TBC1D32: variants seen among roughly 807,000 people sequenced by gnomAD.
The protein encoded by TBC1D32 is TBC1 domain family member 32.
A neutral mutation model predicts 170.3 loss-of-function variants in TBC1D32; 151 were observed. The ratio of observed to expected loss-of-function variants is 0.89; its 90% CI spans 0.78 to 1.01. The LOEUF is 1.01. TBC1D32 is among the 50% of genes least tolerant of loss of function. The pLI, the probability that TBC1D32 is intolerant of heterozygous loss-of-function variation, is 0.00. For missense variants in TBC1D32, 1,464 were observed against 1,457.1 expected (o/e 1.00, Z -0.08); for synonymous variants, 498 against 488.0 (o/e 1.02, Z -0.27).
At chr6:121,122,217 G>A (rs188825157) in intron 26 of TBC1D32, among the ~76,000 whole-genome samples, 62 of 151,846 alleles carry the variant, frequency 4.1e-4, no homozygotes, top group South Asian at 1.2e-3. Context: ...ACTTCTCACC[G>A]TCTCCATTAC....
In TBC1D32 at chr6:121,256,135, C is replaced by A. The variant is rs1267036022; in HGVS notation, c.1884G>T (p.Gln628His). Residue 628 changes from glutamine to histidine, a missense_variant, in exon 16 of 32, where the codon CAG becomes CAT. This residue lies in a region of TBC1D32 where 1,363 missense variants were observed against 1,338.1 expected (regional missense o/e 1.02). Coordinates refer to ENST00000398212, the MANE Select transcript of TBC1D32 (RefSeq NM_152730.6). ...RHIYSTCEGLQVLITYNLHES... is the reference protein window; with the variant it reads ...RHIYSTCEGLHVLITYNLHES... Reference sequence around the variant, plus strand: ...CATGCAAATTATAAGTGATTAACACCTGCAAACCTTCACATGTACTATATA... The same window carrying A: ...CATGCAAATTATAAGTGATTAACACATGCAAACCTTCACATGTACTATATA... 6.2e-6 allele frequency: 10 copies of A among 1,613,852 alleles called. No homozygotes were observed. Among genetic ancestry groups the A allele is most frequent in the Non-Finnish European group, 7.6e-6 (9 of 1,179,970 alleles).
Position 121,112,607 on chromosome 6 carries a change from G to A in TBC1D32, c.3222C>T (p.Phe1074=), listed in dbSNP as rs368544834. ...AGHDWFVSSL[F]MIMLGDKEKT... ...TTTCTTTGTCTCCCAACATTATCAT[G>A]AACAGAGAAGATACAAACCAGTCAT... Residue 1074 remains phenylalanine, a synonymous_variant, in exon 29 of 32, where the codon TTC becomes TTT. Coordinates refer to ENST00000398212, the MANE Select transcript of TBC1D32 (RefSeq NM_152730.6). 25 of 1,609,182 alleles carry A rather than the reference G, an allele frequency of 1.6e-5. No homozygotes were observed. The highest frequency in any genetic ancestry group is 4.0e-5 in the African/African-American group (3 of 74,766).
chr6:121,240,100 G>A (rs1454561180), intron 19 of TBC1D32, among the ~76,000 whole-genome samples: 6 of 152,052 alleles, frequency 3.9e-5, no homozygotes, highest in Non-Finnish European at 8.8e-5. Flanking sequence ...TACATGTGAA[G>A]TTCCTAATAT....
At chr6:121,287,404 A>G (rs551449117) in intron 12 of TBC1D32, among the ~76,000 whole-genome samples, 6 of 152,224 alleles carry the variant, frequency 3.9e-5, no homozygotes, top group South Asian at 2.1e-4. Context: ...AAGAGACAAA[A>G]AAGGCCATTA....
intron 30 of TBC1D32, among the ~76,000 whole-genome samples, chr6:121,102,356 A>T (rs572531015): frequency 1.3e-5 from 2 of 152,146 alleles, no homozygotes; most frequent in Admixed American, 1.3e-4. Flanking sequence ...AGGCTACAGT[A>T]ACCAAAACAG....
intron 27 of TBC1D32, among the ~76,000 whole-genome samples, chr6:121,114,902 T>C (rs1426104505): frequency 2.0e-5 from 3 of 152,182 alleles, no homozygotes; most frequent in African/African-American, 7.2e-5. Context: ...ACTTTTACAA[T>C]GTTATTTTTG....
chr6:121,205,033 G>T, intron 22 of TBC1D32, 42 bp downstream of exon 22: 3 of 1,148,914 alleles, frequency 2.6e-6, no homozygotes, highest in South Asian at 3.0e-5. Flanking sequence ...ATTTTTTGTG[G>T]AACATAAAAT....
chr6:121,212,450 CTTTTTT>C (rs3076854), intron 21 of TBC1D32, among the ~76,000 whole-genome samples: 2 of 102,100 alleles, frequency 2.0e-5, no homozygotes. Flanking sequence ...GTCAATATCT[CTTTTTT>C]TTTTTTTTTT....
chr6:121,088,623 A>G lies in TBC1D32; in HGVS notation c.3654+2230T>C, dbSNP rs567560325. Among the ~76,000 whole-genome samples the G allele has an allele frequency of 1.1e-4, 17 of 152,292 alleles. No homozygotes were observed. The East Asian group carries it at 3.3e-3, about 29-fold the overall frequency. On this transcript the variant is annotated intron_variant, in intron 31 of 31. Transcript: ENST00000398212. ...AAATGAGTGCCCATTAAAAGAGAAC[A>G]GTGAATTTTGACACCTACCCACTGA...
intron 21 of TBC1D32, among the ~76,000 whole-genome samples, chr6:121,217,935 T>C (rs1283632171): frequency 6.6e-6 from 1 of 152,232 alleles, no homozygotes; most frequent in Admixed American, 6.5e-5. Context: ...TTAAATTGTG[T>C]GGCTAATAGT....
Position 121,176,950 on chromosome 6 carries a change from G to A in TBC1D32, c.2571-15894C>T, listed in dbSNP as rs959524181. Among the ~76,000 whole-genome samples, 5 of 152,128 alleles carry A rather than the reference G, an allele frequency of 3.3e-5. No homozygotes were observed. In the South Asian group the frequency reaches 8.3e-4, roughly 25 times the overall value. The stretch of plus-strand genomic sequence containing the variant: ...AAACACGGCATCATAGGTGGAGACC[G>A]AAAGCCTGCAGTTTTATGTTCAACA... On this transcript the variant is annotated intron_variant, in intron 22 of 31. Coordinates refer to ENST00000398212, the MANE Select transcript of TBC1D32 (RefSeq NM_152730.6).
intron 22 of TBC1D32, among the ~76,000 whole-genome samples, chr6:121,194,755 G>A (rs955081905): frequency 6.6e-6 from 1 of 152,126 alleles, no homozygotes; most frequent in Non-Finnish European, 1.5e-5. Flanking sequence ...TATCTCTCCA[G>A]CTTTATATCA....
At chr6:121,099,501 T>A (rs928683540) in intron 30 of TBC1D32, among the ~76,000 whole-genome samples, 1 of 151,954 alleles carries the variant, frequency 6.6e-6, no homozygotes, top group Non-Finnish European at 1.5e-5. Flanking sequence ...GTATTTCATT[T>A]AGCAATCTGC....
intron 15 of TBC1D32, among the ~76,000 whole-genome samples, chr6:121,267,805 T>TC (rs1800751134): frequency 6.6e-6 from 1 of 152,118 alleles, no homozygotes. Context: ...GGTCCCTCCC[T>TC]CCTCAAGTGG....
At chr6:121,149,747 A>T (rs978309237) in intron 24 of TBC1D32, among the ~76,000 whole-genome samples, 2 of 151,964 alleles carry the variant, frequency 1.3e-5, no homozygotes, top group African/African-American at 4.8e-5. Context: ...CGGGCTCTCT[A>T]TCGGTTCCAC....
intron 12 of TBC1D32, among the ~76,000 whole-genome samples, chr6:121,291,157 A>AAAG (rs892787727): frequency 7.3e-5 from 11 of 151,688 alleles, no homozygotes; most frequent in African/African-American, 2.7e-4. Context: ...AATAAAAAAA[A>AAAG]AAAGAAAGAA....
chr6:121,306,100 G>A (rs1807284736), intron 5 of TBC1D32, among the ~76,000 whole-genome samples: 1 of 152,112 alleles, frequency 6.6e-6, no homozygotes, highest in Non-Finnish European at 1.5e-5. Context: ...AGCATGAAAT[G>A]TTAAAGATAA....
chr6:121,294,514 T>C (rs1805323010), intron 11 of TBC1D32, 56 bp downstream of exon 11: 6 of 1,338,258 alleles, frequency 4.5e-6, no homozygotes, highest in African/African-American at 1.5e-5. Context: ...CTAAACTGTA[T>C]TTACTAATAA....
At chr6:121,222,407 C>T (rs1474177824) in intron 21 of TBC1D32, among the ~76,000 whole-genome samples, 9 of 151,818 alleles carry the variant, frequency 5.9e-5, no homozygotes, top group Non-Finnish European at 1.2e-4. Flanking sequence ...AAAACTTCAA[C>T]GAAAAGAAGA....
Sources: allele counts gnomAD v4.1 joint callset (sites outside exome capture counted in the v4.1 genomes callset), GRCh38; gene constraint gnomAD v4.1.1; regional missense constraint gnomAD v4.1.1; transcripts MANE v1.5; gene names NCBI Gene and HGNC (gene_info 2026-07-23, HGNC 2026-07-21).